DENND5B: variants seen among roughly 807,000 people sequenced by gnomAD.
The protein encoded by DENND5B is DENN domain-containing protein 5B.
Under a neutral mutation model 140.6 loss-of-function variants are expected in DENND5B, and 34 were observed. That is an observed-to-expected ratio of 0.24 (90% CI 0.18 to 0.32). DENND5B has a LOEUF of 0.32. Among genes scored for constraint, DENND5B ranks in the 10% least tolerant of loss-of-function variants. DENND5B has a pLI of 1.00. For synonymous variants in DENND5B, 551 were observed against 562.1 expected (o/e 0.98, Z 0.28); for missense variants, 1,142 against 1,560.2 (o/e 0.73, Z 4.52).
intron 1 of DENND5B, among the ~76,000 whole-genome samples, chr12:31,508,876 C>CA (rs2138891960): frequency 6.6e-6 from 1 of 152,296 alleles, no homozygotes; most frequent in East Asian, 1.9e-4. Flanking sequence ...CCAGTTCTAT[C>CA]AGAGACTGTG....
chr12:31,391,677 C>T (rs1281029424), intron 19 of DENND5B, among the ~76,000 whole-genome samples: 5 of 152,070 alleles, frequency 3.3e-5, no homozygotes, highest in Non-Finnish European at 5.9e-5. Context: ...TTTTGAGACA[C>T]GGTCTCACTC....
At position 31,398,179 on chromosome 12, in the gene DENND5B, G is replaced by GT; in HGVS notation, c.3251dup (p.Asn1084LysfsTer26). On this transcript the variant is annotated frameshift_variant, in exon 17 of 21. Transcript: ENST00000389082. LOFTEE classifies it high-confidence loss of function. ...GAAAAATTTAAATAAATTTACTGTT[G>GT]TTTTTTCCTGTCAGTGAAGTGATGC... 6.3e-7 allele frequency: 1 copy of GT among 1,586,998 alleles called. No homozygotes were observed. The highest frequency in any genetic ancestry group is 1.2e-5 in the South Asian group (1 of 86,358).
chr12:31,452,038 T>C lies in DENND5B; in HGVS notation c.1531A>G (p.Thr511Ala). Residue 511 changes from threonine (T) to alanine (A), a missense_variant, in exon 5 of 21, where the codon ACA becomes GCA. Physicochemically the swap from Thr to Ala is moderately conservative, Grantham distance 58. Coordinates refer to ENST00000389082, the MANE Select transcript of DENND5B (RefSeq NM_144973.4). ...GCTTCGTAATCTGCAAACATCTGTG[T>C]AAAACGGTTAGCAAAGACCTCTCGG... ...QLREVFANRFTQMFADYEAFV... is the reference protein window; with the variant it reads ...QLREVFANRFAQMFADYEAFV... 1 of 1,613,990 alleles carries C rather than the reference T, an allele frequency of 6.2e-7. No homozygotes were observed.
At chr12:31,575,004 A>T (rs935385684) in intron 1 of DENND5B, among the ~76,000 whole-genome samples, 2 of 152,220 alleles carry the variant, frequency 1.3e-5, no homozygotes, top group Non-Finnish European at 2.9e-5. Context: ...TCTGGTGAAC[A>T]ATGGCACAAA....
chr12:31,509,176 G>C (rs1408546120), intron 1 of DENND5B, among the ~76,000 whole-genome samples: 3 of 151,896 alleles, frequency 2.0e-5, no homozygotes, highest in Non-Finnish European at 4.4e-5. Flanking sequence ...TATCCACCAA[G>C]AATCTCCACT....
intron 2 of DENND5B, among the ~76,000 whole-genome samples, chr12:31,484,523 G>T (rs1157416596): frequency 7.9e-5 from 12 of 152,118 alleles, no homozygotes; most frequent in African/African-American, 2.4e-4. Flanking sequence ...TCATCTTGGA[G>T]CCAGGTGCGG....
At chr12:31,536,575 G>A (rs778435683) in intron 1 of DENND5B, among the ~76,000 whole-genome samples, 1 of 151,876 alleles carries the variant, frequency 6.6e-6, no homozygotes, top group Non-Finnish European at 1.5e-5. Flanking sequence ...ACAAGATCTA[G>A]AAAATAGCCT....
chr12:31,570,197 AAAAC>A lies in DENND5B; in HGVS notation c.127+20505_127+20508del, dbSNP rs532631545. On this transcript the variant is annotated intron_variant, in intron 1 of 20. Coordinates refer to ENST00000389082, the MANE Select transcript of DENND5B (RefSeq NM_144973.4). ...GGTGACACAGCAATACTCCATCTCA[AAAAC>A]AAACAAACAAAAAAACCAAGAGAAA... Among the ~76,000 whole-genome samples the A allele has an allele frequency of 3.7e-3, 568 of 152,052 alleles. 5 individuals carry two copies. Among genetic ancestry groups the A allele is most frequent in the African/African-American group, 0.013 (532 of 41,456 alleles).
At chr12:31,511,963 G>T (rs1591956227) in intron 1 of DENND5B, among the ~76,000 whole-genome samples, 1 of 102,450 alleles carries the variant, frequency 9.8e-6, no homozygotes, top group Non-Finnish European at 1.8e-5. Context: ...TCGCTCTATT[G>T]CCTAGGTTGG....
At chr12:31,397,549 CA>C (rs1223481557) in intron 17 of DENND5B, among the ~76,000 whole-genome samples, 5 of 49,314 alleles carry the variant, frequency 1.0e-4, no homozygotes, top group African/African-American at 4.4e-4. Context: ...TTCCATCTCA[CA>C]AAAAAAAAAA....
At chr12:31,441,933 T>C (rs1944053876) in intron 7 of DENND5B, among the ~76,000 whole-genome samples, 2 of 152,158 alleles carry the variant, frequency 1.3e-5, no homozygotes, top group African/African-American at 4.8e-5. Flanking sequence ...TCTGCCTGCC[T>C]CGGCCTCCCA....
At chr12:31,421,090 C>A (rs925141385) in intron 11 of DENND5B, among the ~76,000 whole-genome samples, 15 of 152,170 alleles carry the variant, frequency 9.9e-5, no homozygotes, top group African/African-American at 3.1e-4. Context: ...ATTGCCCAGG[C>A]TGGAGTACAG....
intron 1 of DENND5B, among the ~76,000 whole-genome samples, chr12:31,559,922 A>G (rs769653006): frequency 2.5e-4 from 38 of 152,136 alleles, no homozygotes; most frequent in Non-Finnish European, 4.7e-4. Context: ...TTACTGTTCT[A>G]TTCTCCATAT....
At position 31,407,132 on chromosome 12, in the gene DENND5B, ATTT is replaced by A. The variant is rs1484726203; in HGVS notation, c.2803+2128_2803+2130del. Reference sequence around the variant, plus strand: ...TTTAATTAAATTAATTAATTAATTTATTTATTTATTTATTTTGAGACGGAGTCT... The same window carrying A: ...TTTAATTAAATTAATTAATTAATTTAATTTATTTATTTTGAGACGGAGTCT... On this transcript the variant is annotated intron_variant, in intron 14 of 20. Coordinates refer to ENST00000389082, the MANE Select transcript of DENND5B (RefSeq NM_144973.4). Among the ~76,000 whole-genome samples the A allele has an allele frequency of 6.0e-5, 9 of 150,270 alleles. No individual in the cohort carries two copies. The East Asian group carries it at 7.9e-4, about 13-fold the overall frequency.
intron 7 of DENND5B, 73 bp from the exon 8 acceptor site, chr12:31,433,321 AGACT>A (rs1943601538): frequency 1.6e-6 from 2 of 1,261,052 alleles, no homozygotes; most frequent in Non-Finnish European, 2.2e-6. Context: ...TCAACACAAA[AGACT>A]GACACACACA....
intron 1 of DENND5B, among the ~76,000 whole-genome samples, chr12:31,555,120 A>C (rs1289298638): frequency 1.3e-5 from 2 of 152,112 alleles, no homozygotes; most frequent in Non-Finnish European, 2.9e-5. Context: ...CCTTTGGAGG[A>C]GGAGAGGCAC....
chr12:31,535,750 T>C (rs1015327599), intron 1 of DENND5B, among the ~76,000 whole-genome samples: 1 of 151,932 alleles, frequency 6.6e-6, no homozygotes, highest in Admixed American at 6.6e-5. Flanking sequence ...CCAACAAACA[T>C]CCGCAAGTAT....
intron 1 of DENND5B, among the ~76,000 whole-genome samples, chr12:31,569,644 T>C (rs1338563461): frequency 6.6e-6 from 1 of 151,810 alleles, no homozygotes; most frequent in Non-Finnish European, 1.5e-5. Flanking sequence ...CCTGTCTCTA[T>C]TAAAAACACA....
chr12:31,398,459 C>A, intron 16 of DENND5B, 97 bp from the exon 17 acceptor site: 1 of 1,186,758 alleles, frequency 8.4e-7, no homozygotes, highest in Admixed American at 3.0e-5. Context: ...TGTGCACCAC[C>A]ACACCTGGCT....
Sources: gnomAD v4.1 joint callset for allele counts (sites outside exome capture counted in the v4.1 genomes callset) on GRCh38, gnomAD v4.1.1 for gene constraint, MANE v1.5 for transcripts, NCBI Gene and HGNC (gene_info 2026-07-23, HGNC 2026-07-21) for gene names.